PGAP4: variants seen among roughly 807,000 people sequenced by gnomAD.
The protein encoded by PGAP4 is GPI-N-acetylgalactosamine transferase PGAP4.
In PGAP4, 12 loss-of-function variants were observed where a neutral mutation model predicts 28.2. The ratio of observed to expected loss-of-function variants is 0.42; its 90% confidence interval spans 0.27 to 0.69. PGAP4 has a LOEUF of 0.69. Among genes scored for constraint, PGAP4 ranks in the 30% least tolerant of loss-of-function variants. PGAP4 has a pLI of 0.22. For synonymous variants in PGAP4, 205 were observed against 211.8 expected, an observed-to-expected ratio of 0.97 and a Z score of 0.28; for missense variants, 425 against 513.5, an observed-to-expected ratio of 0.83 and a Z score of 1.67.
intron 2 of PGAP4, among the ~76,000 whole-genome samples, chr9:101,512,615 A>C (rs1826907093): frequency 6.6e-6 from 1 of 152,152 alleles, no homozygotes; most frequent in Non-Finnish European, 1.5e-5. Flanking sequence ...TGAAGAGATT[A>C]ATCATGATTC....
chr9:101,483,298 G>T (rs1826537317), intron 1 of PGAP4, among the ~76,000 whole-genome samples: 1 of 152,308 alleles, frequency 6.6e-6, no homozygotes, highest in South Asian at 2.1e-4. Context: ...ATACTGTGTA[G>T]AGATCGACTT....
At chr9:101,480,363 G>GTTGTTTGT (rs113071012) in intron 1 of PGAP4, among the ~76,000 whole-genome samples, 15,186 of 151,540 alleles carry the variant, frequency 0.1, 967 homozygotes, top group Admixed American at 0.15. Flanking sequence ...TGTTGTTGTT[G>GTTGTTTGT]TTGTTTGTTT....
At chr9:101,501,468 T>C (rs1182183908) in intron 2 of PGAP4, among the ~76,000 whole-genome samples, 1 of 152,076 alleles carries the variant, frequency 6.6e-6, no homozygotes, top group Non-Finnish European at 1.5e-5. Flanking sequence ...AGTTGGATAA[T>C]AACTTTTTTT....
intron 1 of PGAP4, chr9:101,479,995 A>G (rs1368885284): frequency 1.3e-5 from 2 of 152,194 alleles, no homozygotes; most frequent in Non-Finnish European, 1.5e-5. Flanking sequence ...AAACAATGGG[A>G]CAGGAAGATT....
At chr9:101,494,528 G>A (rs555925138) in intron 2 of PGAP4, among the ~76,000 whole-genome samples, 125 of 151,878 alleles carry the variant, frequency 8.2e-4, no homozygotes, top group African/African-American at 3.0e-3. Context: ...TCAATTTCAT[G>A]AAATTAAATT....
chr9:101,492,739 A>G (rs1431643277), intron 2 of PGAP4, among the ~76,000 whole-genome samples: 6 of 151,960 alleles, frequency 3.9e-5, no homozygotes, highest in African/African-American at 1.5e-4. Flanking sequence ...TGTCCCCCTA[A>G]GTATCTTTCC....
In PGAP4 at chr9:101,475,903, T is replaced by C. The variant is rs1314234273; in HGVS notation, c.1190A>G (p.Asn397Ser). 4 of 1,613,982 alleles carry C rather than the reference T, an allele frequency of 2.5e-6. No homozygotes were observed. Among genetic ancestry groups the C allele is most frequent in the South Asian group, 1.1e-5 (1 of 91,080 alleles). Residue 397 changes from asparagine (N) to serine (S), a missense_variant, in exon 2 of 2, where the codon AAC (asparagine) becomes AGC (serine). By Grantham distance (46) the Asn-to-Ser change is conservative. Transcript: ENST00000374848. Reference sequence around the variant, plus strand: ...ACCCTAGAGGAGACTGGGATGAAAGTTGTACCGGAGACTGGAGAAGAGCCC... The same window carrying C: ...ACCCTAGAGGAGACTGGGATGAAAGCTGTACCGGAGACTGGAGAAGAGCCC... Reference protein sequence around the residue: ...HIGLFSSLRYNFHPSLL With the variant: ...HIGLFSSLRYSFHPSLL
chr9:101,505,980 A>T (rs979458619), intron 2 of PGAP4, among the ~76,000 whole-genome samples: 1 of 152,162 alleles, frequency 6.6e-6, no homozygotes, highest in Admixed American at 6.6e-5. Context: ...CATAGCATCA[A>T]CAATTTAAAT....
In PGAP4 at chr9:101,518,173, T is replaced by G. The variant is rs545769397; in HGVS notation, c.-165+13175A>C. 2.4e-3 allele frequency among the ~76,000 whole-genome samples: 363 copies of G among 152,340 alleles called. 1 individual carries two copies. Among genetic ancestry groups the G allele is most frequent in the Non-Finnish European group, 4.2e-3 (288 of 68,032 alleles). On this transcript the variant is annotated intron_variant, in intron 2 of 3. Coordinates refer to the PGAP4 transcript ENST00000374851. The stretch of plus-strand genomic sequence containing the variant: ...TCCTGCGTTAATTTGCTTAGGATAA[T>G]GGCCTCCAGCTGCACCCATATTGCT...
chr9:101,505,423 G>T (rs1826841667), intron 2 of PGAP4, among the ~76,000 whole-genome samples: 3 of 152,100 alleles, frequency 2.0e-5, no homozygotes, highest in Admixed American at 1.3e-4. Flanking sequence ...ATTGCAAAAA[G>T]CTAATGAAAA....
chr9:101,515,580 C>T (rs979649862), intron 2 of PGAP4, among the ~76,000 whole-genome samples: 2 of 152,042 alleles, frequency 1.3e-5, no homozygotes, highest in African/African-American at 4.8e-5. Context: ...TTGCTGAAAC[C>T]ATGCAAAGCT....
chr9:101,507,629 G>T (rs902208067), intron 2 of PGAP4, among the ~76,000 whole-genome samples: 1 of 152,064 alleles, frequency 6.6e-6, no homozygotes, highest in Non-Finnish European at 1.5e-5. Context: ...AAATAACAAA[G>T]CTCCCCTGCT....
chr9:101,524,259 G>T (rs1564102780), intron 2 of PGAP4, among the ~76,000 whole-genome samples: 1 of 151,358 alleles, frequency 6.6e-6, no homozygotes, highest in Non-Finnish European at 1.5e-5. Context: ...GGTAAGTGGC[G>T]GTAAGCTGGC....
In PGAP4 at chr9:101,524,208, T is replaced by C. The variant is rs2118633112; in HGVS notation, c.-165+7140A>G. ...CTAGATCAGTGGAGTTATGTACCTATGAGGATTATGGATGCCTCTGCTGAG... is the reference window on the plus strand; with the variant it reads ...CTAGATCAGTGGAGTTATGTACCTACGAGGATTATGGATGCCTCTGCTGAG... On this transcript the variant is annotated intron_variant, in intron 2 of 3. Transcript: ENST00000374851. Among the ~76,000 whole-genome samples the C allele has an allele frequency of 1.3e-5, 2 of 149,748 alleles. 1 individual carries two copies. Among genetic ancestry groups the C allele is most frequent in the South Asian group, 4.3e-4 (2 of 4,692 alleles).
intron 2 of PGAP4, among the ~76,000 whole-genome samples, chr9:101,529,225 G>A (rs932971997): frequency 6.8e-6 from 1 of 146,312 alleles, no homozygotes; most frequent in African/African-American, 2.5e-5. Context: ...GTGTGATCTC[G>A]GCTCACTGCA....
intron 2 of PGAP4, among the ~76,000 whole-genome samples, chr9:101,506,047 C>T (rs1161588442): frequency 3.9e-5 from 6 of 152,092 alleles, no homozygotes; most frequent in Admixed American, 3.9e-4. Context: ...AAAGCAGTTT[C>T]CAATAAAATG....
intron 2 of PGAP4, among the ~76,000 whole-genome samples, chr9:101,518,563 G>A (rs1249695741): frequency 1.3e-5 from 2 of 152,104 alleles, no homozygotes; most frequent in Admixed American, 1.3e-4. Flanking sequence ...ATTCTCATAC[G>A]ATGTTTGGTT....
intron 2 of PGAP4, among the ~76,000 whole-genome samples, chr9:101,518,679 G>C (rs974296461): frequency 2.6e-5 from 4 of 152,126 alleles, no homozygotes. Flanking sequence ...GTATTCCATT[G>C]TATATACATA....
intron 2 of PGAP4, among the ~76,000 whole-genome samples, chr9:101,515,708 GTATT>G (rs1049971274): frequency 2.6e-5 from 4 of 152,004 alleles, no homozygotes; most frequent in Admixed American, 6.6e-5. Flanking sequence ...AGTAAAACTA[GTATT>G]TATTTAGTAT....
Sources: allele counts gnomAD v4.1 joint callset (sites outside exome capture counted in the v4.1 genomes callset), GRCh38; gene constraint gnomAD v4.1.1; transcripts MANE v1.5; gene names NCBI Gene and HGNC (gene_info 2026-07-23, HGNC 2026-07-21).